Variants in SEPTIN9 observed in about 807,000 individuals in gnomAD.
SEPTIN9 encodes septin 9, also known as septin-9.
SEPTIN9 carries 13 observed loss-of-function variants against 56.6 expected under a neutral mutation model. That is an observed-to-expected ratio of 0.23 (90% CI 0.15 to 0.37). The LOEUF is 0.37. Among genes scored for constraint, SEPTIN9 ranks in the 10% least tolerant of loss-of-function variants. The pLI, the probability that SEPTIN9 is intolerant of heterozygous loss-of-function variation, is 1.00. For synonymous variants in SEPTIN9, 332 were observed against 334.1 expected (o/e 0.99, Z 0.07); for missense variants, 650 against 823.1 (o/e 0.79, Z 2.57).
intron 1 of SEPTIN9, among the ~76,000 whole-genome samples, chr17:77,299,283 C>T (rs888608926): frequency 7.9e-5 from 12 of 152,354 alleles, no homozygotes; most frequent in African/African-American, 2.6e-4. Flanking sequence ...CTCTGTGCTC[C>T]TCTGTCAATC....
At chr17:77,351,705 C>G (rs539496526) in intron 2 of SEPTIN9, among the ~76,000 whole-genome samples, 6 of 152,358 alleles carry the variant, frequency 3.9e-5, no homozygotes, top group African/African-American at 1.2e-4. Flanking sequence ...CCCAGCGGCC[C>G]TTCAGGCGGG....
intron 3 of SEPTIN9, among the ~76,000 whole-genome samples, chr17:77,462,461 T>A (rs1018427153): frequency 6.6e-6 from 1 of 152,142 alleles, no homozygotes; most frequent in African/African-American, 2.4e-5. Context: ...ATTTTTTATT[T>A]TTTGTAGAGA....
rs1455026941 is a variant in SEPTIN9, at chr17:77,389,166, T to G, written c.77-12893T>G. On this transcript the variant is annotated intron_variant, in intron 2 of 11. Coordinates refer to ENST00000427177, the MANE Select transcript of SEPTIN9 (RefSeq NM_001113491.2). The surrounding 1 kb of genome is among the most constrained non-coding windows in gnomAD (Gnocchi z 4.3). ...GCTGGCTCCTCGCAGGGAGCTGGGA[T>G]GCATTTCTAAGAGCAGCATGCGTGA... 1.3e-5 allele frequency among the ~76,000 whole-genome samples: 2 copies of G among 152,130 alleles called. No homozygotes were observed. The highest frequency in any genetic ancestry group is 6.5e-5 in the Admixed American group (1 of 15,280).
rs1598501202 is a variant in SEPTIN9, at chr17:77,310,065, G to T, written c.76+2868G>T. Reference sequence around the variant, plus strand: ...ACCATCTCGGCTCACTGCAACCTCTGCCTCCTGGGTTCAAGCGATTCTTCT... The same window carrying T: ...ACCATCTCGGCTCACTGCAACCTCTTCCTCCTGGGTTCAAGCGATTCTTCT... On this transcript the variant is annotated intron_variant, in intron 2 of 11. Coordinates refer to ENST00000427177, the MANE Select transcript of SEPTIN9 (RefSeq NM_001113491.2). The surrounding 1 kb of genome is among the most constrained non-coding windows in gnomAD (Gnocchi z 4.7). 6.6e-6 allele frequency among the ~76,000 whole-genome samples: 1 copy of T among 151,668 alleles called. No homozygotes were observed. Among genetic ancestry groups the T allele is most frequent in the African/African-American group, 2.4e-5 (1 of 41,246 alleles).
intron 3 of SEPTIN9, among the ~76,000 whole-genome samples, chr17:77,439,561 C>G (rs1190039527): frequency 6.6e-6 from 1 of 152,188 alleles, no homozygotes; most frequent in Admixed American, 6.5e-5. Flanking sequence ...GCTTGCAGGA[C>G]TTGGGCTGTT....
At position 77,493,796 on chromosome 17, in the gene SEPTIN9, G is replaced by A. The variant is rs564844555; in HGVS notation, c.1573+720G>A. Reference sequence around the variant, plus strand: ...TTTTTTTTTTTTTTTTGTTTGAGACGGAGTCTCGTTCTGTCACCCAGGCTG... The same window carrying A: ...TTTTTTTTTTTTTTTTGTTTGAGACAGAGTCTCGTTCTGTCACCCAGGCTG... On this transcript the variant is annotated intron_variant, in intron 10 of 11. Coordinates refer to ENST00000427177, the MANE Select transcript of SEPTIN9 (RefSeq NM_001113491.2). Among the ~76,000 whole-genome samples, 25 of 144,848 alleles carry A rather than the reference G, an allele frequency of 1.7e-4. 1 individual carries two copies. The highest frequency in any genetic ancestry group is 1.0e-4 in the African/African-American group (4 of 39,158).
At chr17:77,398,990 T>C (rs1001532413) in intron 2 of SEPTIN9, among the ~76,000 whole-genome samples, 26 of 152,014 alleles carry the variant, frequency 1.7e-4, no homozygotes, top group African/African-American at 5.8e-4. Context: ...GAGAGGATGG[T>C]TGGGGACCGG....
intron 2 of SEPTIN9, among the ~76,000 whole-genome samples, chr17:77,331,014 C>G (rs2033327052): frequency 6.6e-6 from 1 of 152,188 alleles, no homozygotes; most frequent in Non-Finnish European, 1.5e-5. Flanking sequence ...CCAGCAGGCC[C>G]TGCTGCTCAC....
chr17:77,303,918 T>C (rs1459869650), intron 1 of SEPTIN9, among the ~76,000 whole-genome samples: 1 of 152,174 alleles, frequency 6.6e-6, no homozygotes, highest in African/African-American at 2.4e-5. Flanking sequence ...ACTCCAGGCT[T>C]TCCTGCCTCC....
intron 2 of SEPTIN9, among the ~76,000 whole-genome samples, chr17:77,356,673 C>CT (rs2034257374): frequency 2.4e-5 from 1 of 42,534 alleles, no homozygotes; most frequent in Non-Finnish European, 4.5e-5. Context: ...TTTCCCTCCC[C>CT]CTCCCCTCCC....
At chr17:77,489,497 G>A (rs951689888) in intron 7 of SEPTIN9, among the ~76,000 whole-genome samples, 1 of 152,184 alleles carries the variant, frequency 6.6e-6, no homozygotes, top group Non-Finnish European at 1.5e-5. Context: ...AGACACCTGT[G>A]GCTCACCCTG....
At chr17:77,368,436 C>T (rs1277183296) in intron 2 of SEPTIN9, among the ~76,000 whole-genome samples, 1 of 152,112 alleles carries the variant, frequency 6.6e-6, no homozygotes, top group Non-Finnish European at 1.5e-5. Context: ...CTCAGCCTCC[C>T]AGAGAGCTGG....
Position 77,445,456 on chromosome 17 carries a change from T to C in SEPTIN9, c.722-36688T>C, listed in dbSNP as rs1226572657. The C allele has an allele frequency of 6.4e-6, 3 of 469,064 alleles. No individual in the cohort carries two copies. The highest frequency in any genetic ancestry group is 8.8e-6 in the Non-Finnish European group (2 of 226,216). The allele number at this position is 469,064 out of a possible 1,614,324, so 29.1% of individuals were successfully genotyped here. A position where few individuals can be genotyped will look rare whatever the true frequency, so the allele number is the denominator to read the frequency against. On this transcript the variant is annotated intron_variant, in intron 3 of 11. Transcript: ENST00000427177. The surrounding 1 kb of genome is among the most constrained non-coding windows in gnomAD (Gnocchi z 4.7). ...CTGTGCTCACAACCTGGCTTGGTGGTGGCCGAGGAGCTTGGCAGGAGCAGA... is the reference window on the plus strand; with the variant it reads ...CTGTGCTCACAACCTGGCTTGGTGGCGGCCGAGGAGCTTGGCAGGAGCAGA...
At chr17:77,364,690 G>C (rs2034520089) in intron 2 of SEPTIN9, among the ~76,000 whole-genome samples, 1 of 152,244 alleles carries the variant, frequency 6.6e-6, no homozygotes, top group African/African-American at 2.4e-5. Flanking sequence ...AGCGAGGCTG[G>C]GGGCAGAGAC....
chr17:77,429,188 CGAGGCTGAGGCT>C lies in SEPTIN9; in HGVS notation c.721+26491_721+26502del, dbSNP rs751061565. The C allele has an allele frequency of 3.6e-5, 17 of 471,878 alleles. No individual in the cohort carries two copies. Among genetic ancestry groups the C allele is most frequent in the African/African-American group, 1.0e-4 (5 of 50,078 alleles). 29.2% of individuals were successfully genotyped at this position (471,878 alleles called of 1,614,324 possible). A position where few individuals can be genotyped will look rare whatever the true frequency, so the allele number is the denominator to read the frequency against. The stretch of plus-strand genomic sequence containing the variant: ...CTGAGGCCAAGACCAAGGCTGAGGC[CGAGGCTGAGGCT>C]GAGGCCACCTTGGTGAGGAGGAAAT... On this transcript the variant is annotated intron_variant, in intron 3 of 11. Coordinates refer to ENST00000427177, the MANE Select transcript of SEPTIN9 (RefSeq NM_001113491.2). The surrounding 1 kb of genome is among the most constrained non-coding windows in gnomAD (Gnocchi z 5.2).
rs1231789160 is a variant in SEPTIN9, at chr17:77,373,130, A to AG, written c.77-28923dup. The AG allele has an allele frequency of 3.2e-6, 3 of 936,896 alleles. No homozygotes were observed. In the African/African-American group the frequency reaches 5.3e-5, roughly 17 times the overall value. The allele number at this position is 936,896 out of a possible 1,614,324, so 58.0% of individuals were successfully genotyped here. A position where few individuals can be genotyped will look rare whatever the true frequency, so the allele number is the denominator to read the frequency against. On this transcript the variant is annotated intron_variant, in intron 2 of 11. Coordinates refer to ENST00000427177, the MANE Select transcript of SEPTIN9 (RefSeq NM_001113491.2). ...CCTGGGCGCGGGCCAGGCGGGGAGG[A>AG]GGGGGGCGCTCCGGTCGTGTGCCCA...
intron 2 of SEPTIN9, among the ~76,000 whole-genome samples, chr17:77,358,116 G>T (rs116643083): frequency 2.2e-4 from 33 of 152,282 alleles, no homozygotes; most frequent in Non-Finnish European, 3.1e-4. Flanking sequence ...CAGAGAGGTG[G>T]TGTAACTTGC....
intron 2 of SEPTIN9, among the ~76,000 whole-genome samples, chr17:77,335,145 C>T (rs1012055431): frequency 6.7e-6 from 1 of 149,332 alleles, no homozygotes; most frequent in Admixed American, 6.7e-5. Flanking sequence ...TACATGTAGG[C>T]CCTATGTTGA....
In SEPTIN9 at chr17:77,389,823, A is replaced by G. The variant is rs552740146; in HGVS notation, c.77-12236A>G. 9.9e-4 allele frequency among the ~76,000 whole-genome samples: 151 copies of G among 152,138 alleles called. 4 individuals carry two copies. In the South Asian group the frequency reaches 0.031, roughly 32 times the overall value. ...TTTCCCCTCAATCTGCTCCTAGTGG[A>G]GCAGCCAGCAGCTGGTTTAGAACCC... On this transcript the variant is annotated intron_variant, in intron 2 of 11. Transcript: ENST00000427177. This position sits in a 1 kb window ranked among gnomAD's most constrained non-coding sequence, Gnocchi z 4.3.
Sources: gnomAD v4.1 joint callset for allele counts (sites outside exome capture counted in the v4.1 genomes callset) on GRCh38, gnomAD v4.1.1 for gene constraint, Gnocchi (gnomAD v3.1) non-coding constraint, MANE v1.5 for transcripts, NCBI Gene and HGNC (gene_info 2026-07-23, HGNC 2026-07-21) for gene names.